The following SPTBN5 variants were observed in gnomAD, a reference collection of about 807,000 sequenced individuals.
SPTBN5 encodes spectrin beta, non-erythrocytic 5, also known as spectrin beta chain, non-erythrocytic 5.
A neutral mutation model predicts 477.6 loss-of-function variants in SPTBN5; 513 were observed. The observed-to-expected ratio is 1.07, with a 90% CI of 1.00 to 1.16. SPTBN5 has a LOEUF of 1.16. Ranked by LOEUF, SPTBN5 falls within the 50% of genes most tolerant of loss-of-function variation. The pLI, the probability that SPTBN5 is intolerant of heterozygous loss-of-function variation, is 0.00. For synonymous variants in SPTBN5, 2,169 were observed against 2,011.7 expected (o/e 1.08, Z -2.09); for missense variants, 5,062 against 4,731.8 (o/e 1.07, Z -2.05).
Position 41,850,935 on chromosome 15 carries a change from T to C in SPTBN5, c.10840A>G (p.Thr3614Ala), listed in dbSNP as rs771450125. 7 of 1,566,258 alleles carry C rather than the reference T, an allele frequency of 4.5e-6. No individual in the cohort carries two copies. In the African/African-American group the frequency reaches 1.3e-4, roughly 29 times the overall value. Reference sequence around the variant, plus strand: ...GCAAACAGGATCTCTGCCCCACTGGTCAGCCTGGCACCCACAGTCACAGGT... The same window carrying C: ...GCAAACAGGATCTCTGCCCCACTGGCCAGCCTGGCACCCACAGTCACAGGT... ...GRKHTFSLRL[T>A]SGAEILFAAP... is the part of the protein sequence containing the mutation. The change falls in exon 66 of 68, where the codon ACC becomes GCC. Residue 3614 changes from threonine (T) to alanine (A), a missense_variant. Thr to Ala is a moderately conservative substitution (Grantham distance 58). Coordinates refer to ENST00000320955, the MANE Select transcript of SPTBN5 (RefSeq NM_016642.4).
At position 41,855,372 on chromosome 15, in the gene SPTBN5, C is replaced by T. The variant is rs371442322; in HGVS notation, c.9275G>A (p.Arg3092Gln). Residue 3092 changes from arginine (R) to glutamine (Q), a missense_variant, in exon 55 of 68, where the codon CGG (arginine) becomes CAG (glutamine). Transcript: ENST00000320955. ...AVREAHAELL[R>Q]RAEARGHGLQ... is the part of the protein sequence containing the mutation. ...GCCGTGCCCCCTGGCCTCCGCCCTC[C>T]GCAGCAGCTCTGCGTGGGCCTCCCG... is the stretch of plus-strand genomic sequence containing the variant. The T allele has an allele frequency of 4.5e-4, 725 of 1,605,160 alleles. 5 individuals carry two copies. The East Asian group carries it at 0.011, about 24-fold the overall frequency.
In SPTBN5 at chr15:41,861,602, C is replaced by CAGGA. The variant is rs549930268; in HGVS notation, c.7738-110_7738-107dup. 227 of 1,522,364 alleles carry CAGGA rather than the reference C, an allele frequency of 1.5e-4. 3 individuals are homozygous for CAGGA. The South Asian group carries it at 2.5e-3, about 16-fold the overall frequency. 94.3% of individuals were successfully genotyped at this position (1,522,364 alleles called of 1,614,324 possible). A position where few individuals can be genotyped will look rare whatever the true frequency, so the allele number is the denominator to read the frequency against. On this transcript the variant is annotated intron_variant, in intron 45 of 67. Transcript: ENST00000320955. ...GTTAGGGAACCAGGGTCCTGGAAGG[C>CAGGA]AGGAGTGCTGAGTGGTGGGGAAGTC...
At chr15:41,861,694 C>A in intron 45 of SPTBN5, 41 bp downstream of exon 45, 1 of 1,517,362 alleles carries the variant, frequency 6.6e-7, no homozygotes, top group South Asian at 1.3e-5. Context: ...AGGCCCTGTT[C>A]GGGGGGGCAA....
intron 67 of SPTBN5, 148 bp from the exon 68 acceptor site, chr15:41,848,776 G>C: frequency 6.3e-6 from 6 of 947,880 alleles, no homozygotes; most frequent in Non-Finnish European, 1.0e-5. Context: ...ACTGACAGGC[G>C]CTGCAGCAGC....
At chr15:41,851,906 G>A (rs1013360750) in intron 62 of SPTBN5, 56 bp from the exon 63 acceptor site, 49 of 1,425,670 alleles carry the variant, frequency 3.4e-5, no homozygotes, top group Non-Finnish European at 4.5e-5. Flanking sequence ...CAGGAAGGTG[G>A]GCAAGGCACC....
At chr15:41,877,391 G>A (rs766275298) in intron 17 of SPTBN5, 35 bp from the exon 18 acceptor site, 6 of 1,590,570 alleles carry the variant, frequency 3.8e-6, no homozygotes, top group Non-Finnish European at 3.4e-6. Flanking sequence ...TCAAACCCCA[G>A]CAGGCTCCCT....
At position 41,872,459 on chromosome 15, in the gene SPTBN5, C is replaced by T. The variant is rs1163342786; in HGVS notation, c.5008G>A (p.Ala1670Thr). 1 of 1,554,574 alleles carries T rather than the reference C, an allele frequency of 6.4e-7. No individual in the cohort carries two copies. Among genetic ancestry groups the T allele is most frequent in the South Asian group, 1.2e-5 (1 of 84,330 alleles). Residue 1670 changes from alanine (A) to threonine (T), a missense_variant and splice_region_variant, in exon 27 of 68, where the codon GCT (alanine) becomes ACT (threonine). Transcript: ENST00000320955. ...TAAATGGCTAGTTCCTCCTGTAGAG[C>T]CTATGATGCATGAGGACCCATGCCA... Reference protein sequence around the residue: ...ATLRLINKHQALQEELAIYWS... With the variant: ...ATLRLINKHQTLQEELAIYWS...
Position 41,874,318 on chromosome 15 carries a change from C to A in SPTBN5, c.4663G>T (p.Ala1555Ser). The A allele has an allele frequency of 6.2e-7, 1 of 1,613,158 alleles. No homozygotes were observed. The highest frequency in any genetic ancestry group is 8.5e-7 in the Non-Finnish European group (1 of 1,179,576). ...PTSYTECLNG[A>S]QSLHRKHKEL... ...TTGTGCTTGCGGTGAAGGCTCTGGG[C>A]ACCATTCAAGCACTCGGTATAGCTG... The change falls in exon 24 of 68, where the codon GCC becomes TCC. Residue 1555 changes from alanine to serine, a missense_variant. By Grantham distance (99) the Ala-to-Ser change is moderately conservative. Coordinates refer to ENST00000320955, the MANE Select transcript of SPTBN5 (RefSeq NM_016642.4).
rs1467656293 is a variant in SPTBN5, at chr15:41,874,425, G to A, written c.4556C>T (p.Ser1519Leu). The change falls in exon 24 of 68, where the codon TCA (serine) becomes TTA (leucine). Residue 1519 changes from serine (S) to leucine (L), a missense_variant. Physicochemically the swap from Ser to Leu is moderately radical, Grantham distance 145. Transcript: ENST00000320955. ...GTGGCAGAACTGGTGCAGCTCCACT[G>A]AGGCCTGCAGCTGCAGGCCCCGGAT... ...LAIRGLQLQA[S>L]VELHQFCHLS... 1 of 1,613,066 alleles carries A rather than the reference G, an allele frequency of 6.2e-7. No homozygotes were observed.
At chr15:41,887,860 C>T (rs2067203152) in intron 5 of SPTBN5, 68 bp downstream of exon 5, 1 of 1,501,560 alleles carries the variant, frequency 6.7e-7, no homozygotes, top group African/African-American at 1.4e-5. Flanking sequence ...AACGGGTGGG[C>T]TGAGGACCCA....
intron 12 of SPTBN5, among the ~76,000 whole-genome samples, 179 bp downstream of exon 12, chr15:41,881,757 C>A (rs1360351019): frequency 1.3e-5 from 2 of 152,254 alleles, no homozygotes; most frequent in Non-Finnish European, 2.9e-5. Flanking sequence ...TCCACTACTT[C>A]TGGGCTAGGT....
intron 17 of SPTBN5, 85 bp downstream of exon 17, chr15:41,878,252 ACTTCC>A: frequency 1.4e-6 from 2 of 1,465,020 alleles, no homozygotes; most frequent in Non-Finnish European, 1.8e-6. Context: ...AAATCACACT[ACTTCC>A]CGCATGCTCT....
In SPTBN5 at chr15:41,848,569, T is replaced by A; in HGVS notation, c.*47A>T. 1 of 1,612,408 alleles carries A rather than the reference T, an allele frequency of 6.2e-7. No individual in the cohort carries two copies. Among genetic ancestry groups the A allele is most frequent in the East Asian group, 2.2e-5 (1 of 44,872 alleles). Reference sequence around the variant, plus strand: ...GAGTCTTATTCTGGTCCCTTAGATGTGTCCTCGCTTGTGCCCCTGAAGTTT... The same window carrying A: ...GAGTCTTATTCTGGTCCCTTAGATGAGTCCTCGCTTGTGCCCCTGAAGTTT... On this transcript the variant is annotated 3_prime_UTR_variant, in exon 68 of 68. Coordinates refer to ENST00000320955, the MANE Select transcript of SPTBN5 (RefSeq NM_016642.4).
Position 41,881,997 on chromosome 15 carries a change from G to C in SPTBN5, c.2396C>G (p.Ala799Gly). Reference sequence around the variant, plus strand: ...CTGCTCCTCCAGCCGCCGCAGCTCGGCCGCGAAGGCGCGCAGGACGCGCTC... The same window carrying C: ...CTGCTCCTCCAGCCGCCGCAGCTCGCCCGCGAAGGCGCGCAGGACGCGCTC... ...RLERVLRAFA[A>G]ELRRLEEQGR... The change falls in exon 12 of 68, where the codon GCC becomes GGC. Residue 799 changes from alanine (A) to glycine (G), a missense_variant. Coordinates refer to ENST00000320955, the MANE Select transcript of SPTBN5 (RefSeq NM_016642.4). The C allele has an allele frequency of 6.5e-7, 1 of 1,536,192 alleles. No homozygotes were observed. Among genetic ancestry groups the C allele is most frequent in the Non-Finnish European group, 8.7e-7 (1 of 1,150,692 alleles).
At chr15:41,870,391 G>C (rs746332804) in intron 30 of SPTBN5, 38 bp from the exon 31 acceptor site, 23 of 1,603,928 alleles carry the variant, frequency 1.4e-5, no homozygotes, top group Non-Finnish European at 2.0e-5. Flanking sequence ...GAGGGATGGA[G>C]CGTGGGCACT....
intron 41 of SPTBN5, among the ~76,000 whole-genome samples, chr15:41,863,481 A>G (rs2066187484): frequency 6.6e-6 from 1 of 152,136 alleles, no homozygotes; most frequent in African/African-American, 2.4e-5. Context: ...GAGACAGGGA[A>G]TCCCCCACTG....
chr15:41,851,393 C>A, intron 63 of SPTBN5, 24 bp from the exon 64 acceptor site: 1 of 1,530,508 alleles, frequency 6.5e-7, no homozygotes, highest in South Asian at 1.2e-5. Flanking sequence ...GCGGGAAGGT[C>A]GCATGAGCCA....
intron 39 of SPTBN5, among the ~76,000 whole-genome samples, chr15:41,865,409 T>C (rs1485478832): frequency 6.6e-6 from 1 of 152,162 alleles, no homozygotes; most frequent in African/African-American, 2.4e-5. Context: ...TTCCCCAGCT[T>C]CCCTTACAGC....
chr15:41,851,682 C>G, intron 63 of SPTBN5, 97 bp downstream of exon 63: 1 of 924,228 alleles, frequency 1.1e-6, no homozygotes, highest in South Asian at 1.5e-5. Context: ...TGCCCAAGTT[C>G]ACAGTGCAAG....
Sources: gnomAD v4.1 joint callset for allele counts (sites outside exome capture counted in the v4.1 genomes callset) on GRCh38, gnomAD v4.1.1 for gene constraint, MANE v1.5 for transcripts, NCBI Gene and HGNC (gene_info 2026-07-23, HGNC 2026-07-21) for gene names.